Variants in TMEM50A observed in about 807,000 individuals in gnomAD.
The protein encoded by TMEM50A is cervical cancer oncogene 9.
TMEM50A carries 8 observed loss-of-function variants against 23.9 expected under a neutral mutation model. The observed-to-expected ratio is 0.33, with a 90% CI of 0.20 to 0.60. TMEM50A has a LOEUF of 0.60. Among genes scored for constraint, TMEM50A ranks in the 20% least tolerant of loss-of-function variants. The pLI is 0.81. For synonymous variants in TMEM50A, 55 were observed against 60.4 expected (o/e 0.91, Z 0.41); for missense variants, 178 against 192.7 (o/e 0.92, Z 0.45).
intron 2 of TMEM50A, among the ~76,000 whole-genome samples, chr1:25,342,260 A>T (rs1645175988): frequency 6.6e-6 from 1 of 152,220 alleles, no homozygotes; most frequent in Admixed American, 6.6e-5. Context: ...GGTTACTTTT[A>T]AAATCTTCTA....
intron 2 of TMEM50A, 42 bp from the exon 3 acceptor site, chr1:25,342,910 AGTGAGATAC>A: frequency 6.8e-7 from 1 of 1,481,190 alleles, no homozygotes; most frequent in Non-Finnish European, 9.3e-7. Flanking sequence ...GCTTTTAGCC[AGTGAGATAC>A]AGAATTGCTA....
In TMEM50A at chr1:25,343,052, T is replaced by C. The variant is rs765322947; in HGVS notation, c.185T>C (p.Ile62Thr). 6.2e-6 allele frequency: 10 copies of C among 1,612,142 alleles called. No homozygotes were observed. Among genetic ancestry groups the C allele is most frequent in the African/African-American group, 1.3e-5 (1 of 74,994 alleles). ...CACTCATACCATGCCTGTGGTGTTA[T>C]AGCAACCATAGCCTTCCTAATGTAA... Reference protein sequence around the residue: ...FNHSYHACGVIATIAFLMINA... With the variant: ...FNHSYHACGVTATIAFLMINA... The change falls in exon 3 of 7, where the codon ATA (isoleucine) becomes ACA (threonine). Residue 62 changes from isoleucine (I) to threonine (T), a missense_variant. Ile to Thr is a moderately conservative substitution (Grantham distance 89). Coordinates refer to ENST00000374358, the MANE Select transcript of TMEM50A (RefSeq NM_014313.4).
At chr1:25,359,171 C>T (rs1027436436) in intron 6 of TMEM50A, among the ~76,000 whole-genome samples, 1 of 152,204 alleles carries the variant, frequency 6.6e-6, no homozygotes, top group Non-Finnish European at 1.5e-5. Context: ...TGCAGGCAGG[C>T]GTCTGCACTC....
At chr1:25,346,414 G>A (rs981595761) in intron 3 of TMEM50A, among the ~76,000 whole-genome samples, 2 of 151,720 alleles carry the variant, frequency 1.3e-5, no homozygotes, top group Non-Finnish European at 2.9e-5. Context: ...AAATGTTTTA[G>A]AAGTAGGGCC....
At chr1:25,352,812 A>G in intron 4 of TMEM50A, 70 bp from the exon 5 acceptor site, 5 of 1,380,216 alleles carry the variant, frequency 3.6e-6, no homozygotes, top group Non-Finnish European at 4.9e-6. Flanking sequence ...TTTGGGTTTT[A>G]TTTTCTTTTT....
intron 4 of TMEM50A, among the ~76,000 whole-genome samples, chr1:25,352,079 A>C (rs1238822949): frequency 2.6e-5 from 4 of 152,176 alleles, no homozygotes; most frequent in Non-Finnish European, 5.9e-5. Flanking sequence ...GTCACAGTAA[A>C]TTTGAATTTA....
At position 25,338,347 on chromosome 1, in the gene TMEM50A, G is replaced by C. The variant is rs552470513; in HGVS notation, c.-123G>C. On this transcript the variant is annotated 5_prime_UTR_variant, in exon 1 of 7. Coordinates refer to ENST00000374358, the MANE Select transcript of TMEM50A (RefSeq NM_014313.4). The stretch of plus-strand genomic sequence containing the variant: ...CGGGTGGATGGTACTGCTGCATCCG[G>C]GTGTCTGGAGGCTGTGGCCGTTTTG... 1.3e-5 allele frequency: 2 copies of C among 152,660 alleles called. No homozygotes were observed. The highest frequency in any genetic ancestry group is 4.1e-4 in the South Asian group (2 of 4,846). 9.5% of individuals were successfully genotyped at this position (152,660 alleles called of 1,614,324 possible).
intron 3 of TMEM50A, among the ~76,000 whole-genome samples, chr1:25,347,974 G>C (rs568083677): frequency 1.3e-5 from 2 of 152,254 alleles, no homozygotes; most frequent in African/African-American, 2.4e-5. Context: ...TCCTGCTTTT[G>C]TTCTCAGATC....
chr1:25,338,694 C>T (rs1217088992), intron 1 of TMEM50A: 1 of 152,288 alleles, frequency 6.6e-6, no homozygotes, highest in Admixed American at 6.5e-5. Flanking sequence ...CGCGCCCTCC[C>T]CCGGGACACC....
chr1:25,340,670 T>C (rs562251814), intron 2 of TMEM50A, 91 bp downstream of exon 2: 5 of 920,160 alleles, frequency 5.4e-6, no homozygotes, highest in African/African-American at 5.1e-5. Flanking sequence ...ATATGTACTA[T>C]TTATTTTATC....
intron 6 of TMEM50A, 137 bp from the exon 7 acceptor site, chr1:25,360,523 T>C: frequency 2.4e-6 from 2 of 837,560 alleles, no homozygotes; most frequent in Non-Finnish European, 3.8e-6. Flanking sequence ...AGTTTCTGTT[T>C]TGATACATTT....
At chr1:25,348,528 A>C (rs1645242808) in intron 3 of TMEM50A, among the ~76,000 whole-genome samples, 1 of 152,104 alleles carries the variant, frequency 6.6e-6, no homozygotes, top group African/African-American at 2.4e-5. Flanking sequence ...CTACTAAAAT[A>C]CAAAAAATTA....
rs1645399155 is a variant in TMEM50A, at chr1:25,361,248, G to A, written c.*543G>A. Reference sequence around the variant, plus strand: ...TTTGAGGGTCTCCCAAGGGGTGAGTGGACGTGTTGGAAGAGAGAAGCACCA... The same window carrying A: ...TTTGAGGGTCTCCCAAGGGGTGAGTAGACGTGTTGGAAGAGAGAAGCACCA... On this transcript the variant is annotated 3_prime_UTR_variant, in exon 7 of 7. Coordinates refer to ENST00000374358, the MANE Select transcript of TMEM50A (RefSeq NM_014313.4). 2 of 153,678 alleles carry A rather than the reference G, an allele frequency of 1.3e-5. No homozygotes were observed. The highest frequency in any genetic ancestry group is 4.8e-5 in the African/African-American group (2 of 41,428). 9.5% of individuals were successfully genotyped at this position (153,678 alleles called of 1,614,324 possible).
chr1:25,347,391 G>A (rs377015573), intron 3 of TMEM50A, among the ~76,000 whole-genome samples: 2 of 151,938 alleles, frequency 1.3e-5, no homozygotes, highest in African/African-American at 2.4e-5. Context: ...GCCCACCACT[G>A]TGCCCAGCTA....
intron 5 of TMEM50A, among the ~76,000 whole-genome samples, chr1:25,355,525 C>G (rs1298880982): frequency 6.6e-6 from 1 of 151,926 alleles, no homozygotes; most frequent in Non-Finnish European, 1.5e-5. Context: ...GCTTCTGGAG[C>G]AAGGTTATGT....
intron 2 of TMEM50A, among the ~76,000 whole-genome samples, chr1:25,341,994 TG>T (rs1645173772): frequency 6.6e-6 from 1 of 152,148 alleles, no homozygotes; most frequent in Non-Finnish European, 1.5e-5. Flanking sequence ...TACAGGCTAT[TG>T]CACCTGGCCA....
chr1:25,341,476 G>A (rs1338088014), intron 2 of TMEM50A, among the ~76,000 whole-genome samples: 2 of 152,018 alleles, frequency 1.3e-5, no homozygotes, highest in African/African-American at 4.8e-5. Flanking sequence ...TCGATCTCCT[G>A]ACCTCGTGAT....
chr1:25,360,731 C>G lies in TMEM50A; in HGVS notation c.*26C>G, dbSNP rs369073229. The G allele has an allele frequency of 8.1e-6, 13 of 1,613,570 alleles. No homozygotes were observed. The highest frequency in any genetic ancestry group is 1.0e-5 in the Non-Finnish European group (12 of 1,179,688). ...ACACATCTGATTTCCCACAGCACAA[C>G]AGCCCTGCATGGGTTTGTTTGTTTT... On this transcript the variant is annotated 3_prime_UTR_variant, in exon 7 of 7. Transcript: ENST00000374358.
At chr1:25,360,298 G>A (rs1391521549) in intron 6 of TMEM50A, among the ~76,000 whole-genome samples, 1 of 149,832 alleles carries the variant, frequency 6.7e-6, no homozygotes, top group Non-Finnish European at 1.5e-5. Flanking sequence ...GCAGTGAGCC[G>A]AGATCACGCC....
Sources: gnomAD v4.1 joint callset for allele counts (sites outside exome capture counted in the v4.1 genomes callset) on GRCh38, gnomAD v4.1.1 for gene constraint, MANE v1.5 for transcripts, NCBI Gene and HGNC (gene_info 2026-07-23, HGNC 2026-07-21) for gene names.